The following MICU2 variants were observed in gnomAD, a reference collection of about 807,000 sequenced individuals.
MICU2 encodes the protein mitochondrial calcium uptake 2.
Under a neutral mutation model 60.4 loss-of-function variants are expected in MICU2, and 64 were observed. The ratio of observed to expected loss-of-function variants is 1.06; its 90% CI spans 0.87 to 1.31. The LOEUF is 1.31. Ranked by LOEUF, MICU2 falls within the 50% of genes most tolerant of loss-of-function variation. The probability of loss-of-function intolerance (pLI) is 0.00; values close to 1 mark genes in which losing one functional copy is unlikely to be tolerated. For missense variants in MICU2, 569 were observed against 531.0 expected (o/e 1.07, Z -0.70); for synonymous variants, 201 against 175.0 (o/e 1.15, Z -1.17).
chr13:21,603,596 G>A (rs1255076505), intron 1 of MICU2: 2 of 349,590 alleles, frequency 5.7e-6, no homozygotes. Context: ...AAGAGGCGAG[G>A]CGCAGTGAGA....
intron 1 of MICU2, among the ~76,000 whole-genome samples, chr13:21,600,718 C>T (rs1888793961): frequency 6.6e-6 from 1 of 152,142 alleles, no homozygotes; most frequent in Non-Finnish European, 1.5e-5. Flanking sequence ...AAGTGTAGGA[C>T]TCCATTAATA....
intron 1 of MICU2, among the ~76,000 whole-genome samples, chr13:21,593,083 G>A (rs534073396): frequency 2.2e-4 from 33 of 152,288 alleles, no homozygotes; most frequent in African/African-American, 7.9e-4. Flanking sequence ...AGTTGTCTCT[G>A]TTTGCAGACA....
chr13:21,543,676 C>T (rs896965572), intron 2 of MICU2, among the ~76,000 whole-genome samples: 2 of 152,006 alleles, frequency 1.3e-5, no homozygotes, highest in Non-Finnish European at 2.9e-5. Context: ...AGGATACAGA[C>T]GAATGGAAAA....
intron 1 of MICU2, among the ~76,000 whole-genome samples, chr13:21,595,776 T>G (rs1888679347): frequency 6.6e-6 from 1 of 152,266 alleles, no homozygotes; most frequent in African/African-American, 2.4e-5. Context: ...AGGCACAGCC[T>G]CTTGGAAAAG....
chr13:21,580,265 G>T (rs1888318912), intron 1 of MICU2, among the ~76,000 whole-genome samples: 1 of 152,132 alleles, frequency 6.6e-6, no homozygotes, highest in African/African-American at 2.4e-5. Context: ...CTCTGGTGCA[G>T]GTTAAAGAAA....
At chr13:21,547,383 A>G (rs1202862708) in intron 2 of MICU2, among the ~76,000 whole-genome samples, 1 of 152,160 alleles carries the variant, frequency 6.6e-6, no homozygotes, top group Non-Finnish European at 1.5e-5. Context: ...AATTCTATCC[A>G]TTCTTCACAT....
At position 21,516,608 on chromosome 13, in the gene MICU2, A is replaced by G. The variant is rs143643897; in HGVS notation, c.598-2190T>C. ...GGAGATAACAAATCTGTTTAACTTT[A>G]TAAGAAACTGCCAAACTATTTTCCA... On this transcript the variant is annotated intron_variant, in intron 6 of 11. Transcript: ENST00000382374. Among the ~76,000 whole-genome samples the G allele has an allele frequency of 1.8e-4, 27 of 152,296 alleles. No homozygotes were observed. In the East Asian group the frequency reaches 5.2e-3, roughly 29 times the overall value.
chr13:21,527,204 T>C (rs1814404803), intron 4 of MICU2, among the ~76,000 whole-genome samples: 1 of 152,232 alleles, frequency 6.6e-6, no homozygotes, highest in Non-Finnish European at 1.5e-5. Context: ...TGTCATATCT[T>C]GTACCTGAGA....
Position 21,493,269 on chromosome 13 carries a change from C to G in MICU2, c.1285G>C (p.Ala429Pro). ...IKGVKEVWKQ[A>P]GKGLF ...TTTTATTAAAAAAGACCTTTTCCAG[C>G]TTGTTTCCAGACTTCTTTTACTCCT... is the stretch of plus-strand genomic sequence containing the variant. Residue 429 changes from alanine to proline, a missense_variant, in exon 12 of 12, where the codon GCT becomes CCT. Transcript: ENST00000382374. 1 of 1,607,504 alleles carries G rather than the reference C, an allele frequency of 6.2e-7. No homozygotes were observed. The highest frequency in any genetic ancestry group is 1.7e-4 in the Middle Eastern group (1 of 6,042).
At chr13:21,532,700 T>C (rs1214852894) in intron 4 of MICU2, among the ~76,000 whole-genome samples, 3 of 152,194 alleles carry the variant, frequency 2.0e-5, no homozygotes, top group Non-Finnish European at 2.9e-5. Context: ...ATGTAGATAA[T>C]ATATCAAATA....
intron 9 of MICU2, 65 bp downstream of exon 9, chr13:21,502,861 T>C: frequency 6.8e-7 from 1 of 1,464,628 alleles, no homozygotes; most frequent in South Asian, 1.2e-5. Context: ...AGAAGTTACT[T>C]TATGTAAACA....
chr13:21,584,131 T>C (rs889491801), intron 1 of MICU2, among the ~76,000 whole-genome samples: 1 of 152,182 alleles, frequency 6.6e-6, no homozygotes, highest in African/African-American at 2.4e-5. Flanking sequence ...GGCTCACGCC[T>C]GTAATCCCAG....
chr13:21,565,804 GC>G (rs1301833223), intron 2 of MICU2, among the ~76,000 whole-genome samples: 2 of 152,226 alleles, frequency 1.3e-5, no homozygotes, highest in Non-Finnish European at 2.9e-5. Flanking sequence ...TTGCACTCCA[GC>G]CTGGGAGACA....
chr13:21,562,970 TTC>T (rs1887883317), intron 2 of MICU2, among the ~76,000 whole-genome samples: 1 of 152,212 alleles, frequency 6.6e-6, no homozygotes, highest in South Asian at 2.1e-4. Context: ...GAGAATGTAT[TTC>T]TTTTTCACTT....
intron 2 of MICU2, among the ~76,000 whole-genome samples, chr13:21,560,769 A>T (rs183791967): frequency 6.6e-6 from 1 of 152,170 alleles, no homozygotes; most frequent in Non-Finnish European, 1.5e-5. Flanking sequence ...AGAAATGTCT[A>T]GGTAGCAGAA....
At chr13:21,565,152 C>T (rs17679490) in intron 2 of MICU2, among the ~76,000 whole-genome samples, 53,024 of 152,114 alleles carry the variant, frequency 0.35, 9,575 homozygotes, top group South Asian at 0.4. Context: ...TGATTACTTA[C>T]ATTATGAACT....
intron 2 of MICU2, among the ~76,000 whole-genome samples, chr13:21,540,070 C>T (rs1259578311): frequency 6.6e-6 from 1 of 152,146 alleles, no homozygotes; most frequent in Non-Finnish European, 1.5e-5. Context: ...AAAAAACACT[C>T]ATGATTTATA....
At chr13:21,550,584 C>T (rs998062476) in intron 2 of MICU2, among the ~76,000 whole-genome samples, 3 of 152,046 alleles carry the variant, frequency 2.0e-5, no homozygotes, top group African/African-American at 7.3e-5. Flanking sequence ...CAGGGGTCTA[C>T]CAATTATGGG....
chr13:21,554,456 C>T (rs1267443540), intron 2 of MICU2, among the ~76,000 whole-genome samples: 1 of 152,212 alleles, frequency 6.6e-6, no homozygotes, highest in East Asian at 1.9e-4. Context: ...GAAATGAAGG[C>T]AGAAATAAAG....
Sources: allele counts gnomAD v4.1 joint callset (sites outside exome capture counted in the v4.1 genomes callset), GRCh38; gene constraint gnomAD v4.1.1; transcripts MANE v1.5; gene names NCBI Gene and HGNC (gene_info 2026-07-23, HGNC 2026-07-21).